Variants in NAALADL2 observed in about 807,000 individuals in gnomAD.
NAALADL2 encodes the protein N-acetylated alpha-linked acidic dipeptidase like 2, also known as inactive N-acetylated-alpha-linked acidic dipeptidase-like protein 2.
A neutral mutation model predicts 87.2 loss-of-function variants in NAALADL2; 76 were observed. The ratio of observed to expected loss-of-function variants is 0.87; its 90% confidence interval spans 0.72 to 1.05. The LOEUF is 1.05. Ranked by LOEUF, NAALADL2 falls within the 50% of genes least tolerant of loss-of-function variation. The pLI is 0.00. For missense variants in NAALADL2, 1,089 were observed against 945.8 expected, an observed-to-expected ratio of 1.15 and a Z score of -1.99; for synonymous variants, 354 against 331.0, an observed-to-expected ratio of 1.07 and a Z score of -0.75.
chr3:174,451,755 A>G (rs1159940205), intron 1 of NAALADL2, among the ~76,000 whole-genome samples: 1 of 152,054 alleles, frequency 6.6e-6, no homozygotes, highest in Non-Finnish European at 1.5e-5. Flanking sequence ...TTTTGACTAC[A>G]TAGCTCTTCC....
At chr3:174,468,336 C>A (rs949774753) in intron 1 of NAALADL2, among the ~76,000 whole-genome samples, 1 of 151,542 alleles carries the variant, frequency 6.6e-6, no homozygotes, top group Non-Finnish European at 1.5e-5. Flanking sequence ...TATTCCGTTG[C>A]TAAGTAGTGT....
chr3:175,609,539 AT>A (rs1179966921), intron 10 of NAALADL2: 1 of 152,124 alleles, frequency 6.6e-6, no homozygotes, highest in Non-Finnish European at 1.5e-5. Flanking sequence ...ATTATTGCTA[AT>A]TGAAAACTAA....
In NAALADL2 at chr3:174,774,389, T is replaced by A. The variant is rs141248784; in HGVS notation, c.-9+36643T>A. Among the ~76,000 whole-genome samples, 462 of 152,248 alleles carry A rather than the reference T, an allele frequency of 3.0e-3. 7 individuals are homozygous for A. The highest frequency in any genetic ancestry group is 2.3e-3 in the Non-Finnish European group (158 of 68,028). On this transcript the variant is annotated intron_variant, in intron 3 of 3. Transcript: ENST00000434257. ...TAGACATCTAACTAGGGAATGAAAA[T>A]GCCTGAATCCCTTTCCTGAGGGGAC...
At chr3:175,689,584 G>A (rs1342591600) in intron 11 of NAALADL2, among the ~76,000 whole-genome samples, 1 of 152,156 alleles carries the variant, frequency 6.6e-6, no homozygotes, top group Admixed American at 6.6e-5. Flanking sequence ...TCTGGTAAAT[G>A]TAGTAGTATT....
intron 1 of NAALADL2, among the ~76,000 whole-genome samples, chr3:174,941,759 T>C: frequency 1.9e-5 from 1 of 53,172 alleles, no homozygotes; most frequent in East Asian, 2.7e-4. Flanking sequence ...AATGTACTTC[T>C]TTATGTTTTT....
At chr3:175,587,016 A>C (rs1188213862) in intron 10 of NAALADL2, among the ~76,000 whole-genome samples, 1 of 152,182 alleles carries the variant, frequency 6.6e-6, no homozygotes, top group East Asian at 1.9e-4. Flanking sequence ...TGATTAAAGT[A>C]AGATCAGAGG....
chr3:175,222,624 G>A (rs1477715764), intron 2 of NAALADL2, among the ~76,000 whole-genome samples: 1 of 152,128 alleles, frequency 6.6e-6, no homozygotes, highest in African/African-American at 2.4e-5. Flanking sequence ...AAATGGAGCA[G>A]TGGTTCTCAA....
intron 1 of NAALADL2, among the ~76,000 whole-genome samples, chr3:175,092,701 A>G (rs1174670194): frequency 6.6e-6 from 1 of 151,880 alleles, no homozygotes; most frequent in Non-Finnish European, 1.5e-5. Context: ...TAAGTCTGTC[A>G]CAGTCCAGAA....
chr3:174,515,828 C>T (rs1011259931), intron 1 of NAALADL2, among the ~76,000 whole-genome samples: 10 of 151,806 alleles, frequency 6.6e-5, no homozygotes, highest in African/African-American at 2.2e-4. Context: ...TTTCTCAATA[C>T]AGTGCCTAGA....
rs575995240 is a variant in NAALADL2 at position 175,394,288 on chromosome 3, T to A, written c.1091-52941T>A. 1.5e-4 allele frequency among the ~76,000 whole-genome samples: 23 copies of A among 152,268 alleles called. 1 individual carries two copies. The South Asian group carries it at 4.8e-3, about 32-fold the overall frequency. On this transcript the variant is annotated intron_variant, in intron 5 of 13. Coordinates refer to ENST00000454872, the MANE Select transcript of NAALADL2 (RefSeq NM_207015.3). ...TATACAGTTAGATAGAAGGAGTAAG[T>A]TTTAACCCTTGGTAGCAGAGTTGGA... is the stretch of plus-strand genomic sequence containing the variant.
intron 13 of NAALADL2, chr3:175,774,813 C>A (rs1749995471): frequency 6.6e-6 from 1 of 152,044 alleles, no homozygotes; most frequent in East Asian, 1.9e-4. Context: ...GAAAATATAA[C>A]ATTAATAATT....
intron 2 of NAALADL2, among the ~76,000 whole-genome samples, chr3:174,584,416 A>G (rs1023092843): frequency 1.3e-5 from 2 of 151,870 alleles, no homozygotes; most frequent in Admixed American, 6.6e-5. Context: ...CCAGAAAATT[A>G]TTTTCAAATT....
At chr3:175,103,839 A>G (rs1722646956) in intron 2 of NAALADL2, among the ~76,000 whole-genome samples, 1 of 152,162 alleles carries the variant, frequency 6.6e-6, no homozygotes. Flanking sequence ...TCATTTTAAC[A>G]TTTAGTATGT....
At chr3:174,740,964 C>T (rs1028678270) in intron 3 of NAALADL2, among the ~76,000 whole-genome samples, 1 of 151,682 alleles carries the variant, frequency 6.6e-6, no homozygotes, top group Non-Finnish European at 1.5e-5. Flanking sequence ...GTACTGTTTG[C>T]TGTTTTATTT....
At chr3:174,595,052 A>G (rs570131618) in intron 2 of NAALADL2, among the ~76,000 whole-genome samples, 62 of 152,284 alleles carry the variant, frequency 4.1e-4, no homozygotes, top group African/African-American at 1.4e-3. Flanking sequence ...ACAACTCTCC[A>G]GAATAGCAAG....
At chr3:174,451,909 C>T (rs1460805260) in intron 1 of NAALADL2, among the ~76,000 whole-genome samples, 1 of 118,578 alleles carries the variant, frequency 8.4e-6, no homozygotes, top group Non-Finnish European at 1.6e-5. Flanking sequence ...GTGGCACAAT[C>T]TTGGCTTACT....
chr3:175,184,462 T>G (rs1365530084), intron 2 of NAALADL2, among the ~76,000 whole-genome samples: 1 of 152,114 alleles, frequency 6.6e-6, no homozygotes, highest in Admixed American at 6.6e-5. Context: ...TTAATTAAAT[T>G]TTAATTTTAA....
intron 11 of NAALADL2, among the ~76,000 whole-genome samples, chr3:175,695,102 G>T: frequency 6.6e-6 from 1 of 150,564 alleles, no homozygotes. Context: ...GAGATAATTG[G>T]GCATTTTTTA....
intron 1 of NAALADL2, among the ~76,000 whole-genome samples, chr3:175,042,160 A>G (rs1361031485): frequency 6.6e-6 from 1 of 152,106 alleles, no homozygotes; most frequent in Non-Finnish European, 1.5e-5. Flanking sequence ...CATATGTGCG[A>G]TCATATGATA....
Sources: gnomAD v4.1 joint callset for allele counts (sites outside exome capture counted in the v4.1 genomes callset) on GRCh38, gnomAD v4.1.1 for gene constraint, MANE v1.5 for transcripts, NCBI Gene and HGNC (gene_info 2026-07-23, HGNC 2026-07-21) for gene names.